Variants in SRD5A2 observed in about 807,000 individuals in gnomAD.
SRD5A2 encodes 3-oxo-5-alpha-steroid 4-dehydrogenase 2.
Under a neutral mutation model 27.4 loss-of-function variants are expected in SRD5A2, and 30 were observed. That is an observed-to-expected ratio of 1.10 (90% CI 0.82 to 1.49). The LOEUF is 1.49. Ranked by LOEUF, SRD5A2 falls within the 40% of genes most tolerant of loss-of-function variation. SRD5A2 has a pLI of 0.00. For missense variants in SRD5A2, 348 were observed against 323.4 expected, an observed-to-expected ratio of 1.08 and a Z score of -0.58; for synonymous variants, 141 against 133.6, an observed-to-expected ratio of 1.06 and a Z score of -0.38.
chr2:31,532,724 A>G (rs1284321121), intron 2 of SRD5A2, among the ~76,000 whole-genome samples: 1 of 152,160 alleles, frequency 6.6e-6, no homozygotes. Context: ...TTTGATATAA[A>G]ACAAGGATTT....
chr2:31,583,803 T>G (rs888493512), upstream of SRD5A2, among the ~76,000 whole-genome samples: 22 of 151,974 alleles, frequency 1.4e-4, no homozygotes, highest in African/African-American at 5.1e-4. Flanking sequence ...GAAATGACTA[T>G]CGTGAAGGAA....
At chr2:31,591,289 C>T in the SRD5A2 span, among the ~76,000 whole-genome samples, 4 of 152,184 alleles carry the variant, frequency 2.6e-5, no homozygotes, top group Non-Finnish European at 5.9e-5. Context: ...CATGAACAGA[C>T]ATTTCTCAAA....
At chr2:31,657,606 A>G in the SRD5A2 span, among the ~76,000 whole-genome samples, 1 of 152,122 alleles carries the variant, frequency 6.6e-6, no homozygotes, top group African/African-American at 2.4e-5. Flanking sequence ...AACTACCACA[A>G]CCCGAATAAT....
At chr2:31,577,953 A>G (rs479847) in intron 1 of SRD5A2, among the ~76,000 whole-genome samples, 16,638 of 152,212 alleles carry the variant, frequency 0.11, 980 homozygotes, top group Middle Eastern at 0.18. Context: ...TAAATGTCCA[A>G]CTATAAATGA....
At chr2:31,643,093 G>A in the SRD5A2 span, among the ~76,000 whole-genome samples, 1 of 152,166 alleles carries the variant, frequency 6.6e-6, no homozygotes, top group Admixed American at 6.5e-5. Context: ...CTTGATACAG[G>A]TTTGAGTTAC....
At chr2:31,585,883 C>T (rs143084859), upstream of SRD5A2, among the ~76,000 whole-genome samples, 30 of 152,220 alleles carry the variant, frequency 2.0e-4, no homozygotes, top group East Asian at 4.3e-3. Context: ...ACTTAATAGC[C>T]TTTCTGCCTT....
chr2:31,583,418 T>C (rs142681229), upstream of SRD5A2, among the ~76,000 whole-genome samples: 266 of 152,130 alleles, frequency 1.7e-3, 1 homozygote, highest in Non-Finnish European at 3.3e-3. Context: ...GGCAGGGATA[T>C]AGTGGGAGGT....
At chr2:31,631,484 T>C in the SRD5A2 span, among the ~76,000 whole-genome samples, 1 of 152,044 alleles carries the variant, frequency 6.6e-6, no homozygotes, top group African/African-American at 2.4e-5. Context: ...ATGGGAAACG[T>C]TCCCCCCCAA....
intron 2 of SRD5A2, among the ~76,000 whole-genome samples, chr2:31,531,674 G>C (rs552936461): frequency 6.7e-6 from 1 of 149,862 alleles, no homozygotes; most frequent in Non-Finnish European, 1.5e-5. Context: ...CCTAGACTTG[G>C]GCTGAAAGTA....
chr2:31,633,011 G>A, the SRD5A2 span, among the ~76,000 whole-genome samples: 1 of 152,112 alleles, frequency 6.6e-6, no homozygotes, highest in Non-Finnish European at 1.5e-5. Flanking sequence ...TAAAGAGGTG[G>A]CAGTCTTACA....
At chr2:31,569,339 A>C (rs1244207759) in intron 1 of SRD5A2, among the ~76,000 whole-genome samples, 1 of 152,204 alleles carries the variant, frequency 6.6e-6, no homozygotes, top group Non-Finnish European at 1.5e-5. Flanking sequence ...CCATTTTCCA[A>C]AGTGGTTGTC....
chr2:31,538,678 C>A (rs1351414128), intron 1 of SRD5A2, among the ~76,000 whole-genome samples: 3 of 152,206 alleles, frequency 2.0e-5, no homozygotes, highest in African/African-American at 7.2e-5. Flanking sequence ...TTGTCTTTGT[C>A]CATCTCACTG....
intron 1 of SRD5A2, among the ~76,000 whole-genome samples, chr2:31,554,093 T>C (rs2148081244): frequency 6.6e-6 from 1 of 152,264 alleles, no homozygotes; most frequent in South Asian, 2.1e-4. Context: ...ATAATTCTAC[T>C]ACTTGTTATC....
intron 1 of SRD5A2, among the ~76,000 whole-genome samples, chr2:31,542,790 G>C (rs961244094): frequency 1.4e-4 from 22 of 152,078 alleles, no homozygotes; most frequent in Non-Finnish European, 2.9e-5. Context: ...CAGAGCCCAA[G>C]AGACCTGTGA....
chr2:31,633,396 TAGTC>T, the SRD5A2 span, among the ~76,000 whole-genome samples: 1 of 152,170 alleles, frequency 6.6e-6, no homozygotes, highest in Admixed American at 6.5e-5. Flanking sequence ...GTCAAGCAGA[TAGTC>T]AGGGCCTGTG....
intron 1 of SRD5A2, among the ~76,000 whole-genome samples, chr2:31,577,409 G>C (rs1666982030): frequency 6.6e-6 from 1 of 152,098 alleles, no homozygotes; most frequent in African/African-American, 2.4e-5. Context: ...TGTAAGTAGA[G>C]TTCATTCATG....
intron 1 of SRD5A2, among the ~76,000 whole-genome samples, chr2:31,544,859 A>C (rs1666211535): frequency 6.6e-6 from 1 of 151,918 alleles, no homozygotes; most frequent in Non-Finnish European, 1.5e-5. Flanking sequence ...TCATAAATAA[A>C]AGTGGGACAT....
At chr2:31,616,506 T>C in the SRD5A2 span, among the ~76,000 whole-genome samples, 1 of 152,182 alleles carries the variant, frequency 6.6e-6, no homozygotes, top group Non-Finnish European at 1.5e-5. Flanking sequence ...ATATGAGACA[T>C]GGAGCCAAAG....
the SRD5A2 span, among the ~76,000 whole-genome samples, chr2:31,601,573 AAC>A: frequency 3.9e-5 from 6 of 152,130 alleles, no homozygotes; most frequent in African/African-American, 1.4e-4. Context: ...CTATGAGGCC[AAC>A]ATCATTCTGA....
Sources: gnomAD v4.1 joint callset for allele counts (sites outside exome capture counted in the v4.1 genomes callset) on GRCh38, gnomAD v4.1.1 for gene constraint, MANE v1.5 for transcripts, NCBI Gene and HGNC (gene_info 2026-07-23, HGNC 2026-07-21) for gene names.